The following TLR4 variants were observed in gnomAD, a reference collection of about 807,000 sequenced individuals.
The protein encoded by TLR4 is toll like receptor 4.
A neutral mutation model predicts 27.4 loss-of-function variants in TLR4; 17 were observed. That is an observed-to-expected ratio of 0.62 (90% CI 0.42 to 0.93). The LOEUF (loss-of-function observed/expected upper bound fraction) is 0.93. TLR4 is among the 40% of genes least tolerant of loss of function. TLR4 has a pLI of 0.00. For synonymous variants in TLR4, 363 were observed against 365.7 expected (o/e 0.99, Z 0.08); for missense variants, 926 against 962.3 (o/e 0.96, Z 0.50).
At position 117,717,175 on chromosome 9, in the gene TLR4, A is replaced by G. The variant is rs1829362639; in HGVS notation, c.*2527A>G. On this transcript the variant is annotated 3_prime_UTR_variant, in exon 3 of 3. Coordinates refer to ENST00000355622, the MANE Select transcript of TLR4 (RefSeq NM_138554.5). ...AGTGTGATTATATTTCTTGAAGAAT[A>G]CATCCATTTGAAATGGATGTCTATG... 1.3e-5 allele frequency: 2 copies of G among 152,178 alleles called. No individual in the cohort carries two copies. The highest frequency in any genetic ancestry group is 2.9e-5 in the Non-Finnish European group (2 of 68,028). The allele number at this position is 152,178 out of a possible 1,614,324, so 9.4% of individuals were successfully genotyped here.
intron 1 of TLR4, among the ~76,000 whole-genome samples, chr9:117,707,803 G>A (rs1829159980): frequency 6.6e-6 from 1 of 152,202 alleles, no homozygotes; most frequent in Non-Finnish European, 1.5e-5. Flanking sequence ...CAAAATCTGG[G>A]CCATGACTAA....
chr9:117,708,827 T>G, intron 2 of TLR4, 98 bp downstream of exon 2: 1 of 1,444,636 alleles, frequency 6.9e-7, no homozygotes, highest in Non-Finnish European at 9.7e-7. Context: ...AGTCTCATCT[T>G]CATTCACTTA....
Position 117,716,475 on chromosome 9 carries a change from A to G in TLR4, c.*1827A>G, listed in dbSNP as rs1829349974. 6.6e-6 allele frequency: 1 copy of G among 152,216 alleles called. No homozygotes were observed. The highest frequency in any genetic ancestry group is 1.5e-5 in the Non-Finnish European group (1 of 68,044). 9.4% of individuals were successfully genotyped at this position (152,216 alleles called of 1,614,324 possible). ...ATGAGCAAGTAACAGAAAGACAAAT[A>G]CTGCCTGATTTCATTTATATGAGGT... is the stretch of plus-strand genomic sequence containing the variant. On this transcript the variant is annotated 3_prime_UTR_variant, in exon 3 of 3. Transcript: ENST00000355622.
intron 1 of TLR4, chr9:117,708,339 G>A: frequency 7.4e-7 from 1 of 1,356,430 alleles, no homozygotes; most frequent in Non-Finnish European, 9.5e-7. Flanking sequence ...TGAGCACGTA[G>A]TAGGTGCTCT....
At chr9:117,707,583 T>C (rs923347950) in intron 1 of TLR4, among the ~76,000 whole-genome samples, 1 of 152,198 alleles carries the variant, frequency 6.6e-6, no homozygotes. Context: ...AATGAGAGCA[T>C]TCAGAAATTA....
rs1829452681 is a variant in TLR4 at position 117,724,087 on chromosome 9, A to G, written c.*9439A>G. 1 of 152,134 alleles carries G rather than the reference A, an allele frequency of 6.6e-6. No individual in the cohort carries two copies. The highest frequency in any genetic ancestry group is 1.5e-5 in the Non-Finnish European group (1 of 68,024). 9.4% of individuals were successfully genotyped at this position (152,134 alleles called of 1,614,324 possible). On this transcript the variant is annotated 3_prime_UTR_variant, in exon 3 of 3. Transcript: ENST00000355622. ...CTTATATCACTATAGGGCTGCTATC[A>G]TCCTTCATCCTTATGCCACTGCAAA... is the stretch of plus-strand genomic sequence containing the variant.
chr9:117,708,479 C>A, intron 1 of TLR4, 84 bp from the exon 2 acceptor site: 2 of 1,605,086 alleles, frequency 1.2e-6, no homozygotes, highest in Non-Finnish European at 1.7e-6. Flanking sequence ...AAAAAGAGGC[C>A]CCTCTCCACC....
intron 2 of TLR4, chr9:117,709,067 C>T (rs905142078): frequency 3.5e-6 from 1 of 284,838 alleles, no homozygotes; most frequent in Non-Finnish European, 6.8e-6. Flanking sequence ...TGCAAGAAGA[C>T]AGGCATATAT....
rs1829338639 is a variant in TLR4 at position 117,715,932 on chromosome 9, TCATC to T, written c.*1287_*1290del. On this transcript the variant is annotated 3_prime_UTR_variant, in exon 3 of 3. Transcript: ENST00000355622. ...AAAGAAGGTTCCCAGAAAAGAATGTTCATCCAGCCTCCTCAGAAACAGAACATTC... is the reference window on the plus strand; with the variant it reads ...AAAGAAGGTTCCCAGAAAAGAATGTTCAGCCTCCTCAGAAACAGAACATTC... 2 of 152,246 alleles carry T rather than the reference TCATC, an allele frequency of 1.3e-5. No homozygotes were observed. Among genetic ancestry groups the T allele is most frequent in the African/African-American group, 4.8e-5 (2 of 41,516 alleles). 9.4% of individuals were successfully genotyped at this position (152,246 alleles called of 1,614,324 possible). A position where few individuals can be genotyped will look rare whatever the true frequency, so the allele number is the denominator to read the frequency against.
At chr9:117,708,520 A>G (rs1829174996) in intron 1 of TLR4, 43 bp from the exon 2 acceptor site, 1 of 1,612,608 alleles carries the variant, frequency 6.2e-7, no homozygotes, top group African/African-American at 1.3e-5. Context: ...GAGTTGGGAG[A>G]CCATGCAGTA....
At position 117,720,248 on chromosome 9, in the gene TLR4, T is replaced by C. The variant is rs1564270029; in HGVS notation, c.*5600T>C. ...GCCTGATTCTTGGGGCTGCATTCTT[T>C]CCATAACATAATTGCTTGCTGTGAT... is the stretch of plus-strand genomic sequence containing the variant. On this transcript the variant is annotated 3_prime_UTR_variant, in exon 3 of 3. Coordinates refer to ENST00000355622, the MANE Select transcript of TLR4 (RefSeq NM_138554.5). The C allele has an allele frequency of 6.6e-6, 1 of 152,164 alleles. No individual in the cohort carries two copies. Among genetic ancestry groups the C allele is most frequent in the Non-Finnish European group, 1.5e-5 (1 of 68,038 alleles). The allele number at this position is 152,164 out of a possible 1,614,324, so 9.4% of individuals were successfully genotyped here. A position where few individuals can be genotyped will look rare whatever the true frequency, so the allele number is the denominator to read the frequency against.
chr9:117,706,015 G>A (rs566215664), intron 1 of TLR4, among the ~76,000 whole-genome samples: 9 of 151,634 alleles, frequency 5.9e-5, no homozygotes, highest in South Asian at 2.1e-4. Context: ...TTAACTTAGC[G>A]TATTTAAAAT....
Position 117,712,676 on chromosome 9 carries a change from C to G in TLR4, c.548C>G (p.Ser183Cys). The change falls in exon 3 of 3, where the codon TCC (serine) becomes TGC (cysteine). Residue 183 changes from serine (S) to cysteine (C), a missense_variant. Ser to Cys is a moderately radical substitution (Grantham distance 112). Transcript: ENST00000355622. The part of the protein sequence containing the change: ...NLTNLEHLDL[S>C]SNKIQSIYCT... ...ACCAATCTAGAGCACTTGGACCTTT[C>G]CAGCAACAAGATTCAAAGTATTTAT... 1 of 1,614,052 alleles carries G rather than the reference C, an allele frequency of 6.2e-7. No individual in the cohort carries two copies. The highest frequency in any genetic ancestry group is 8.5e-7 in the Non-Finnish European group (1 of 1,179,990).
chr9:117,710,684 C>G (rs1305905941), intron 2 of TLR4, among the ~76,000 whole-genome samples: 1 of 152,064 alleles, frequency 6.6e-6, no homozygotes, highest in East Asian at 1.9e-4. Context: ...CATACAGTAA[C>G]TCAACTAGTC....
Position 117,712,390 on chromosome 9 carries a change from T to C in TLR4, c.262T>C (p.Cys88Arg), listed in dbSNP as rs1044303225. The change falls in exon 3 of 3, where the codon TGT becomes CGT. Residue 88 changes from cysteine to arginine, a missense_variant and splice_region_variant. Transcript: ENST00000355622. ...PELQVLDLSR[C>R]EIQTIEDGAY... ...ATCAATGTCTTTTTATTCCTGTAGG[T>C]GTGAAATCCAGACAATTGAAGATGG... 1.2e-6 allele frequency: 2 copies of C among 1,613,038 alleles called. No homozygotes were observed. The highest frequency in any genetic ancestry group is 2.7e-5 in the African/African-American group (2 of 74,872).
At chr9:117,705,172 G>T (rs1049209218) in intron 1 of TLR4, among the ~76,000 whole-genome samples, 1 of 152,180 alleles carries the variant, frequency 6.6e-6, no homozygotes, top group African/African-American at 2.4e-5. Flanking sequence ...TATAATGTCA[G>T]CTAATGCAAC....
intron 1 of TLR4, among the ~76,000 whole-genome samples, chr9:117,707,297 T>C (rs572026373): frequency 6.6e-6 from 1 of 152,300 alleles, no homozygotes; most frequent in South Asian, 2.1e-4. Flanking sequence ...CGCATATTAC[T>C]TCATTTCTTT....
chr9:117,711,998 C>T (rs1829239079), intron 2 of TLR4, among the ~76,000 whole-genome samples: 1 of 152,142 alleles, frequency 6.6e-6, no homozygotes, highest in African/African-American at 2.4e-5. Context: ...TTATCTGTAC[C>T]AATCAGATGT....
In TLR4 at chr9:117,723,250, T is replaced by G. The variant is rs1829442212; in HGVS notation, c.*8602T>G. ...TGTGGTTTTAGCGTTCTAAACCTGA[T>G]GATGCTATATCAAAACGGGAGACTC... On this transcript the variant is annotated 3_prime_UTR_variant, in exon 3 of 3. Coordinates refer to ENST00000355622, the MANE Select transcript of TLR4 (RefSeq NM_138554.5). The G allele has an allele frequency of 6.6e-6, 1 of 152,246 alleles. No individual in the cohort carries two copies. The highest frequency in any genetic ancestry group is 1.5e-5 in the Non-Finnish European group (1 of 68,042). 9.4% of individuals were successfully genotyped at this position (152,246 alleles called of 1,614,324 possible).
Sources: gnomAD v4.1 joint callset for allele counts (sites outside exome capture counted in the v4.1 genomes callset) on GRCh38, gnomAD v4.1.1 for gene constraint, MANE v1.5 for transcripts, NCBI Gene and HGNC (gene_info 2026-07-23, HGNC 2026-07-21) for gene names.